Variants in TBL1XR1 observed in about 807,000 individuals in gnomAD.
The protein encoded by TBL1XR1 is TBL1X/Y related 1, also known as F-box-like/WD repeat-containing protein TBL1XR1.
Under a neutral mutation model 66.9 loss-of-function variants are expected in TBL1XR1, and 5 were observed. The observed-to-expected ratio is 0.07, with a 90% CI of 0.04 to 0.16. The LOEUF is 0.16. TBL1XR1 is among the 10% of genes least tolerant of loss of function. TBL1XR1 has a pLI of 1.00. For synonymous variants in TBL1XR1, 210 were observed against 206.0 expected, an observed-to-expected ratio of 1.02 and a Z score of -0.17; for missense variants, 238 against 623.2, an observed-to-expected ratio of 0.38 and a Z score of 6.58.
chr3:177,095,848 T>C (rs1278840109), intron 2 of TBL1XR1, among the ~76,000 whole-genome samples: 1 of 152,176 alleles, frequency 6.6e-6, no homozygotes, highest in Non-Finnish European at 1.5e-5. Flanking sequence ...CAAAAAAGGA[T>C]GTTATGAATC....
chr3:177,096,972 G>A (rs560337473), intron 2 of TBL1XR1, among the ~76,000 whole-genome samples: 4 of 152,236 alleles, frequency 2.6e-5, no homozygotes, highest in African/African-American at 9.6e-5. Context: ...GCAGGATGCA[G>A]AGGAGGAGAA....
intron 1 of TBL1XR1, among the ~76,000 whole-genome samples, chr3:177,112,152 GGCT>G: frequency 8.0e-6 from 1 of 124,628 alleles, no homozygotes; most frequent in East Asian, 2.5e-4. Flanking sequence ...CTGTTGCCGA[GGCT>G]GAAGTACAGT....
chr3:177,130,955 A>G (rs1162525913), intron 1 of TBL1XR1, among the ~76,000 whole-genome samples: 1 of 152,202 alleles, frequency 6.6e-6, no homozygotes, highest in African/African-American at 2.4e-5. Flanking sequence ...GAGACAAGGG[A>G]GTTAGAGACC....
chr3:177,182,741 TAATTTAAGACTGTCACGG>T (rs1364332561), intron 1 of TBL1XR1, among the ~76,000 whole-genome samples: 1 of 151,798 alleles, frequency 6.6e-6, no homozygotes, highest in African/African-American at 2.4e-5. Flanking sequence ...GCAAGGATGT[TAATTTAAGACTGTCACGG>T]AAAGAAGCCT....
chr3:177,178,090 C>T (rs900520617), intron 1 of TBL1XR1, among the ~76,000 whole-genome samples: 2 of 152,218 alleles, frequency 1.3e-5, no homozygotes, highest in African/African-American at 2.4e-5. Flanking sequence ...GTAATTAAGA[C>T]GCTGAGACAG....
chr3:177,078,598 A>T (rs1018877472), intron 2 of TBL1XR1: 2 of 151,550 alleles, frequency 1.3e-5, no homozygotes, highest in Non-Finnish European at 2.9e-5. Context: ...CAAAAAAAAA[A>T]AAATAAAGTA....
chr3:177,085,432 C>T lies in TBL1XR1; in HGVS notation c.-46+13034G>A, dbSNP rs541751764. ...CTTGCTTTCATTTAAAAACAACATT[C>T]TCCAGGAATGGTACAGATGAAGAAA... On this transcript the variant is annotated intron_variant, in intron 2 of 15. Coordinates refer to ENST00000457928, the MANE Select transcript of TBL1XR1 (RefSeq NM_024665.7). Among the ~76,000 whole-genome samples the T allele has an allele frequency of 6.6e-5, 10 of 152,258 alleles. No individual in the cohort carries two copies. In the South Asian group the frequency reaches 1.4e-3, roughly 22 times the overall value.
chr3:177,079,094 A>C (rs1249057666), intron 2 of TBL1XR1, among the ~76,000 whole-genome samples: 2 of 152,042 alleles, frequency 1.3e-5, no homozygotes, highest in African/African-American at 4.8e-5. Context: ...TGGCAGTTAC[A>C]TCACACTGTT....
At chr3:177,029,844 T>A (rs1444175926) in intron 14 of TBL1XR1, among the ~76,000 whole-genome samples, 1 of 152,192 alleles carries the variant, frequency 6.6e-6, no homozygotes, top group Non-Finnish European at 1.5e-5. Context: ...TCCAACTGTA[T>A]AATAACTATT....
chr3:177,167,656 C>T (rs750170396), intron 1 of TBL1XR1, among the ~76,000 whole-genome samples: 17 of 152,158 alleles, frequency 1.1e-4, no homozygotes, highest in Non-Finnish European at 2.4e-4. Flanking sequence ...TTAGGCTGGG[C>T]GCAGTGGTTC....
At chr3:177,124,340 C>T (rs1434145922) in intron 1 of TBL1XR1, among the ~76,000 whole-genome samples, 1 of 152,076 alleles carries the variant, frequency 6.6e-6, no homozygotes, top group Admixed American at 6.5e-5. Flanking sequence ...ACTCTGTCAA[C>T]AACCTTTGTT....
intron 7 of TBL1XR1, 139 bp downstream of exon 7, chr3:177,049,858 G>C: frequency 1.1e-6 from 1 of 896,828 alleles, no homozygotes; most frequent in East Asian, 2.7e-5. Flanking sequence ...AGGGCTGGCA[G>C]GGGACGACTC....
At chr3:177,074,970 GACAACAGCCCCAA>G in intron 2 of TBL1XR1, among the ~76,000 whole-genome samples, 1 of 152,160 alleles carries the variant, frequency 6.6e-6, no homozygotes, top group Non-Finnish European at 1.5e-5. Context: ...AATGATGTAA[GACAACAGCCCCAA>G]AGACCACAAA....
At chr3:177,127,814 G>A (rs1169920679) in intron 1 of TBL1XR1, among the ~76,000 whole-genome samples, 1 of 152,158 alleles carries the variant, frequency 6.6e-6, no homozygotes, top group Non-Finnish European at 1.5e-5. Flanking sequence ...AAATCACCAA[G>A]ATTTGAAACT....
At chr3:177,054,633 G>C (rs967305050) in intron 3 of TBL1XR1, among the ~76,000 whole-genome samples, 3 of 151,896 alleles carry the variant, frequency 2.0e-5, no homozygotes, top group Non-Finnish European at 4.4e-5. Context: ...AACTACTTAG[G>C]AAAACTAAAA....
intron 1 of TBL1XR1, among the ~76,000 whole-genome samples, chr3:177,129,207 A>G (rs900347923): frequency 1.3e-5 from 2 of 152,250 alleles, no homozygotes; most frequent in African/African-American, 2.4e-5. Flanking sequence ...GAACTATCAT[A>G]TGCAAAATCA....
chr3:177,104,831 C>G (rs1724672268), intron 1 of TBL1XR1, among the ~76,000 whole-genome samples: 1 of 152,088 alleles, frequency 6.6e-6, no homozygotes, highest in Non-Finnish European at 1.5e-5. Context: ...TAAGATTATA[C>G]AAAAATAAAC....
chr3:177,176,936 C>T (rs368092556), intron 1 of TBL1XR1, among the ~76,000 whole-genome samples: 1 of 152,122 alleles, frequency 6.6e-6, no homozygotes, highest in Admixed American at 6.5e-5. Context: ...GCAGTGATCG[C>T]ACCACTTTAC....
intron 1 of TBL1XR1, among the ~76,000 whole-genome samples, chr3:177,141,231 T>TA (rs1210737181): frequency 1.3e-5 from 2 of 152,202 alleles, no homozygotes; most frequent in Admixed American, 1.3e-4. Flanking sequence ...AAAAAGATCT[T>TA]AGTTTTCTTC....
Sources: allele counts gnomAD v4.1 joint callset (sites outside exome capture counted in the v4.1 genomes callset), GRCh38; gene constraint gnomAD v4.1.1; transcripts MANE v1.5; gene names NCBI Gene and HGNC (gene_info 2026-07-23, HGNC 2026-07-21).